Variants in TMEFF2 observed in about 807,000 individuals in gnomAD.
TMEFF2 encodes the protein transmembrane protein with EGF like and two follistatin like domains 2, also known as tomoregulin-2.
TMEFF2 carries 28 observed loss-of-function variants against 53.8 expected under a neutral mutation model. That is an observed-to-expected ratio of 0.52 (90% CI 0.39 to 0.71). TMEFF2 has a LOEUF of 0.71. TMEFF2 is among the 30% of genes least tolerant of loss of function. The pLI, the probability that TMEFF2 is intolerant of heterozygous loss-of-function variation, is 0.00. For synonymous variants in TMEFF2, 162 were observed against 166.3 expected (o/e 0.97, Z 0.20); for missense variants, 353 against 455.2 (o/e 0.78, Z 2.04).
intron 4 of TMEFF2, among the ~76,000 whole-genome samples, chr2:192,082,949 T>A (rs1484493418): frequency 8.0e-6 from 1 of 124,270 alleles, no homozygotes; most frequent in African/African-American, 2.9e-5. Flanking sequence ...CAACAAGATT[T>A]TTAGAGAGTT....
At chr2:192,157,588 A>G (rs1327581302) in intron 4 of TMEFF2, among the ~76,000 whole-genome samples, 1 of 151,976 alleles carries the variant, frequency 6.6e-6, no homozygotes, top group Admixed American at 6.6e-5. Context: ...TTGTAAATAT[A>G]TATTTATTTT....
chr2:192,151,946 G>A (rs763859489), intron 4 of TMEFF2, among the ~76,000 whole-genome samples: 1 of 151,786 alleles, frequency 6.6e-6, no homozygotes, highest in Non-Finnish European at 1.5e-5. Context: ...TTGGCTAAGG[G>A]TAATTGTTCA....
intron 5 of TMEFF2, among the ~76,000 whole-genome samples, chr2:192,052,250 G>T (rs529655529): frequency 6.6e-6 from 1 of 152,288 alleles, no homozygotes; most frequent in South Asian, 2.1e-4. Context: ...CCTGTGCTCT[G>T]TTCCTGGAAA....
At chr2:192,103,154 G>T (rs10497722) in intron 4 of TMEFF2, among the ~76,000 whole-genome samples, 10,299 of 152,054 alleles carry the variant, frequency 0.068, 470 homozygotes, top group East Asian at 0.18. Flanking sequence ...CATCGAACGT[G>T]GTACTTCTTG....
intron 4 of TMEFF2, among the ~76,000 whole-genome samples, chr2:192,163,051 C>A (rs956990149): frequency 6.6e-6 from 1 of 152,168 alleles, no homozygotes; most frequent in African/African-American, 2.4e-5. Flanking sequence ...AGGAGCACCA[C>A]GGAGGCTGAA....
intron 5 of TMEFF2, chr2:192,028,745 T>C: frequency 6.6e-6 from 1 of 152,206 alleles, no homozygotes; most frequent in African/African-American, 2.4e-5. Context: ...GAAATACACA[T>C]GAATGTATAA....
intron 4 of TMEFF2, among the ~76,000 whole-genome samples, chr2:192,164,520 G>A (rs950852007): frequency 2.4e-4 from 36 of 152,078 alleles, no homozygotes; most frequent in African/African-American, 8.5e-4. Context: ...ACGAGGTCAG[G>A]AGATCAAGAC....
chr2:192,014,495 A>C (rs1263089182), intron 5 of TMEFF2, among the ~76,000 whole-genome samples: 3 of 152,216 alleles, frequency 2.0e-5, no homozygotes, highest in African/African-American at 7.2e-5. Context: ...AATCTGTACC[A>C]ATCTTTGTTG....
chr2:191,975,121 A>G (rs1266330880), intron 7 of TMEFF2, among the ~76,000 whole-genome samples: 2 of 151,762 alleles, frequency 1.3e-5, no homozygotes, highest in African/African-American at 4.8e-5. Context: ...GAAAATGAGA[A>G]GGATGCTAAT....
chr2:192,151,170 T>C (rs1690378536), intron 4 of TMEFF2, among the ~76,000 whole-genome samples: 1 of 151,860 alleles, frequency 6.6e-6, no homozygotes, highest in Non-Finnish European at 1.5e-5. Context: ...TCCACCATGA[T>C]TGTAAGTTTC....
chr2:191,972,232 C>T (rs996815607), intron 7 of TMEFF2, among the ~76,000 whole-genome samples: 1 of 150,430 alleles, frequency 6.6e-6, no homozygotes, highest in Non-Finnish European at 1.5e-5. Context: ...GCAACCTCCG[C>T]CTCCCGGATT....
At chr2:192,037,280 A>AGAAAG (rs1687326826) in intron 5 of TMEFF2, among the ~76,000 whole-genome samples, 3 of 122,386 alleles carry the variant, frequency 2.5e-5, no homozygotes, top group Admixed American at 1.6e-4. Context: ...AAATAAAGAA[A>AGAAAG]GAAAGAAAGA....
At chr2:192,122,133 C>A (rs1689570638) in intron 4 of TMEFF2, among the ~76,000 whole-genome samples, 1 of 152,078 alleles carries the variant, frequency 6.6e-6, no homozygotes, top group Non-Finnish European at 1.5e-5. Flanking sequence ...ACTTTATAAA[C>A]ATATCAAGGT....
At chr2:191,992,736 C>G (rs1010180634) in intron 7 of TMEFF2, 3 of 151,946 alleles carry the variant, frequency 2.0e-5, no homozygotes, top group African/African-American at 7.2e-5. Flanking sequence ...TTTCTCTTCT[C>G]TATGTGGAAA....
chr2:192,191,794 A>C, intron 2 of TMEFF2, 86 bp downstream of exon 2: 5 of 959,968 alleles, frequency 5.2e-6, no homozygotes, highest in Non-Finnish European at 6.4e-6. Context: ...CATAGCTATA[A>C]ATTTCCAAGT....
At chr2:192,029,910 C>G (rs1574304215) in intron 5 of TMEFF2, among the ~76,000 whole-genome samples, 1 of 152,122 alleles carries the variant, frequency 6.6e-6, no homozygotes, top group East Asian at 1.9e-4. Flanking sequence ...TACAACAAAG[C>G]TGGATTCTAT....
intron 4 of TMEFF2, among the ~76,000 whole-genome samples, chr2:192,152,890 C>T (rs936518791): frequency 6.6e-6 from 1 of 151,730 alleles, no homozygotes; most frequent in East Asian, 1.9e-4. Context: ...TTAATCAAAA[C>T]CCTACTTTAG....
intron 5 of TMEFF2, 142 bp downstream of exon 5, chr2:192,057,537 C>A: frequency 1.3e-6 from 1 of 754,944 alleles, no homozygotes; most frequent in Non-Finnish European, 2.2e-6. Flanking sequence ...AAATTCCTTG[C>A]CCTCATTTTT....
intron 4 of TMEFF2, among the ~76,000 whole-genome samples, chr2:192,118,241 A>G (rs1436338306): frequency 1.3e-5 from 2 of 152,146 alleles, no homozygotes; most frequent in Non-Finnish European, 2.9e-5. Flanking sequence ...TTTTGGTAAC[A>G]GATGGATATG....
Sources: allele counts gnomAD v4.1 joint callset (sites outside exome capture counted in the v4.1 genomes callset), GRCh38; gene constraint gnomAD v4.1.1; transcripts MANE v1.5; gene names NCBI Gene and HGNC (gene_info 2026-07-23, HGNC 2026-07-21).